Variants in IL31RA observed in about 807,000 individuals in gnomAD.
IL31RA encodes the protein interleukin 31 receptor A.
A neutral mutation model predicts 83.7 loss-of-function variants in IL31RA; 66 were observed. The ratio of observed to expected loss-of-function variants is 0.79; its 90% CI spans 0.65 to 0.97. The LOEUF is 0.97. Among genes scored for constraint, IL31RA ranks in the 50% least tolerant of loss-of-function variants. The pLI, the probability that IL31RA is intolerant of heterozygous loss-of-function variation, is 0.00. For missense variants in IL31RA, 798 were observed against 919.4 expected, an observed-to-expected ratio of 0.87 and a Z score of 1.71; for synonymous variants, 325 against 329.0, an observed-to-expected ratio of 0.99 and a Z score of 0.13.
In IL31RA at chr5:55,867,171, G is replaced by GTGTGTGTGCATGTGTGTT. The variant is rs756883102; in HGVS notation, c.155-1611_155-1594dup. 5.0e-3 allele frequency among the ~76,000 whole-genome samples: 352 copies of GTGTGTGTGCATGTGTGTT among 70,746 alleles called. 8 individuals carry two copies. Among genetic ancestry groups the GTGTGTGTGCATGTGTGTT allele is most frequent in the African/African-American group, 0.02 (332 of 16,716 alleles). 46.4% of individuals were successfully genotyped at this position (70,746 alleles called of 152,430 possible). A position where few individuals can be genotyped will look rare whatever the true frequency, so the allele number is the denominator to read the frequency against. ...TGCATGTGTGTTTGTGTGTGTGCATGTGTGTGTGCATGTGTGTTTGTGTGT... is the reference window on the plus strand; with the variant it reads ...TGCATGTGTGTTTGTGTGTGTGCATGTGTGTGTGCATGTGTGTTTGTGTGTGCATGTGTGTTTGTGTGT... On this transcript the variant is annotated intron_variant, in intron 2 of 14. Coordinates refer to ENST00000652347, the MANE Select transcript of IL31RA (RefSeq NM_139017.7).
intron 11 of IL31RA, 25 bp from the exon 12 acceptor site, chr5:55,910,507 T>G: frequency 6.2e-7 from 1 of 1,613,868 alleles, no homozygotes; most frequent in Admixed American, 1.7e-5. Context: ...GGCTGTGGTG[T>G]TTGACCTTTG....
the IL31RA span, among the ~76,000 whole-genome samples, chr5:55,840,492 C>T: frequency 6.6e-6 from 1 of 152,180 alleles, no homozygotes; most frequent in African/African-American, 2.4e-5. Context: ...CTAAAAAAGA[C>T]AAAATCGCTG....
At chr5:55,909,964 A>G (rs1749399393) in intron 11 of IL31RA, among the ~76,000 whole-genome samples, 1 of 152,184 alleles carries the variant, frequency 6.6e-6, no homozygotes, top group Non-Finnish European at 1.5e-5. Context: ...CCAGCTTCCC[A>G]AAGTGCTGGG....
In IL31RA at chr5:55,917,875, C is replaced by A. The variant is rs161698; in HGVS notation, c.*755C>A. ...CTGCTGCTGCCCTTCTATTCAGCAC[C>A]CAGCCTGGGAGCAGAAAGGCACCTG... On this transcript the variant is annotated 3_prime_UTR_variant, in exon 15 of 15. Coordinates refer to ENST00000652347, the MANE Select transcript of IL31RA (RefSeq NM_139017.7). Among the ~76,000 whole-genome samples, 44,792 of 152,110 alleles carry A rather than the reference C, an allele frequency of 0.29. 6,685 individuals carry two copies. Among genetic ancestry groups the A allele is most frequent in the South Asian group, 0.34 (1,646 of 4,818 alleles).
intron 1 of IL31RA, 58 bp from the exon 2 acceptor site, chr5:55,859,451 A>G: frequency 1.6e-6 from 2 of 1,225,202 alleles, no homozygotes; most frequent in East Asian, 2.3e-5. Context: ...GCCATTGGAA[A>G]TAGAGCTTTT....
Position 55,861,343 on chromosome 5 carries a change from G to A in IL31RA, c.154+1744G>A, listed in dbSNP as rs554599228. Among the ~76,000 whole-genome samples, 8 of 152,306 alleles carry A rather than the reference G, an allele frequency of 5.3e-5. No individual in the cohort carries two copies. The East Asian group carries it at 1.4e-3, about 26-fold the overall frequency. On this transcript the variant is annotated intron_variant, in intron 2 of 14. Coordinates refer to ENST00000652347, the MANE Select transcript of IL31RA (RefSeq NM_139017.7). ...TGTTAGGAACTGGGCCACACAGCAG[G>A]AGATGAGCTGCTGGTGAGCCAGAGT... is the stretch of plus-strand genomic sequence containing the variant.
the IL31RA span, among the ~76,000 whole-genome samples, chr5:55,841,494 G>A: frequency 6.6e-6 from 1 of 152,266 alleles, no homozygotes; most frequent in South Asian, 2.1e-4. Context: ...CCACAGGCAG[G>A]GACTTAATAC....
chr5:55,852,391 C>T (rs1380730985), intron 1 of IL31RA: 1 of 152,120 alleles, frequency 6.6e-6, no homozygotes, highest in Non-Finnish European at 1.5e-5. Context: ...AGGCTGGTCT[C>T]AAACTCCTGA....
intron 5 of IL31RA, among the ~76,000 whole-genome samples, chr5:55,884,480 G>T (rs1271741523): frequency 6.6e-6 from 1 of 152,084 alleles, no homozygotes; most frequent in African/African-American, 2.4e-5. Context: ...TGTTACCCAG[G>T]CTGGAGTGCA....
chr5:55,866,264 T>C (rs1251846386), intron 2 of IL31RA, among the ~76,000 whole-genome samples: 2 of 151,958 alleles, frequency 1.3e-5, no homozygotes, highest in Non-Finnish European at 2.9e-5. Flanking sequence ...CACCATAGAG[T>C]TGGTGCTTAG....
intron 5 of IL31RA, among the ~76,000 whole-genome samples, chr5:55,884,332 G>A (rs1289133238): frequency 6.6e-6 from 1 of 152,124 alleles, no homozygotes; most frequent in Non-Finnish European, 1.5e-5. Flanking sequence ...TGCCTTTTGT[G>A]TCTTAGGAAA....
rs996213513 is a variant in IL31RA, at chr5:55,903,625, C to T, written c.1070-2481C>T. Among the ~76,000 whole-genome samples, 1 of 152,206 alleles carries T rather than the reference C, an allele frequency of 6.6e-6. No homozygotes were observed. ...TGCAGTGCACTTGGCGCTTTAGACC[C>T]GGATCTCCCTGCTCCTCAGAGCTCC... On this transcript the variant is annotated intron_variant, in intron 8 of 14. Coordinates refer to ENST00000652347, the MANE Select transcript of IL31RA (RefSeq NM_139017.7). This position sits in a 1 kb window ranked among gnomAD's most constrained non-coding sequence, Gnocchi z 4.7.
At chr5:55,879,145 A>T (rs908692896) in intron 4 of IL31RA, among the ~76,000 whole-genome samples, 5 of 152,112 alleles carry the variant, frequency 3.3e-5, no homozygotes, top group Non-Finnish European at 5.9e-5. Flanking sequence ...CAAAACAGAG[A>T]CCAGTCGTTT....
At position 55,883,488 on chromosome 5, in the gene IL31RA, G is replaced by A. The variant is rs371497105; in HGVS notation, c.606+293G>A. ...GTCTGGCTATGTTGGCTACCAGAGA[G>A]TCTATGGTTTGGCCATTTTATTTTT... On this transcript the variant is annotated intron_variant, in intron 5 of 14. Coordinates refer to ENST00000652347, the MANE Select transcript of IL31RA (RefSeq NM_139017.7). 1.4e-4 allele frequency among the ~76,000 whole-genome samples: 21 copies of A among 152,294 alleles called. 1 individual carries two copies. The highest frequency in any genetic ancestry group is 4.8e-4 in the African/African-American group (20 of 41,556).
In IL31RA at chr5:55,922,205, G is replaced by A. The variant is rs1273770769; in HGVS notation, c.*5085G>A. On this transcript the variant is annotated 3_prime_UTR_variant, in exon 15 of 15. Transcript: ENST00000652347. ...CTGGAAGAGACCCCAGGCCACAATA[G>A]CCCTTGACACAGAGCTCTATGCAGG... Among the ~76,000 whole-genome samples, 3 of 152,088 alleles carry A rather than the reference G, an allele frequency of 2.0e-5. No homozygotes were observed. Among genetic ancestry groups the A allele is most frequent in the African/African-American group, 7.2e-5 (3 of 41,398 alleles).
chr5:55,867,278 CATGTGTGTGT>C (rs1561543709), intron 2 of IL31RA, among the ~76,000 whole-genome samples: 10 of 12,518 alleles, frequency 8.0e-4, no homozygotes, highest in Non-Finnish European at 1.4e-3. Context: ...CGTGTGTGTG[CATGTGTGTGT>C]GCATGTGTGT....
At chr5:55,883,340 T>C in intron 5 of IL31RA, 145 bp downstream of exon 5, 1 of 810,588 alleles carries the variant, frequency 1.2e-6, no homozygotes, top group Non-Finnish European at 2.0e-6. Flanking sequence ...CCTTCCAGTT[T>C]TCCATTTTTC....
At position 55,908,262 on chromosome 5, in the gene IL31RA, C is replaced by T. The variant is rs375773462; in HGVS notation, c.1355-3C>T. ...TTATCATTTATCCCTCTGTCCTTTC[C>T]AGTTCCATCAGAAGGTCCTGAGACC... On this transcript the variant is annotated splice_polypyrimidine_tract_variant and splice_region_variant and intron_variant, in intron 10 of 14. Transcript: ENST00000652347. 189 of 1,613,982 alleles carry T rather than the reference C, an allele frequency of 1.2e-4. No individual in the cohort carries two copies. Among genetic ancestry groups the T allele is most frequent in the Non-Finnish European group, 1.4e-4 (170 of 1,180,048 alleles).
the IL31RA span, among the ~76,000 whole-genome samples, chr5:55,841,474 T>C: frequency 2.0e-5 from 3 of 152,248 alleles, no homozygotes; most frequent in Non-Finnish European, 4.4e-5. Flanking sequence ...ATAGGCAATG[T>C]CATGGGCATC....
Sources: gnomAD v4.1 joint callset for allele counts (sites outside exome capture counted in the v4.1 genomes callset) on GRCh38, gnomAD v4.1.1 for gene constraint, Gnocchi (gnomAD v3.1) non-coding constraint, MANE v1.5 for transcripts, NCBI Gene and HGNC (gene_info 2026-07-23, HGNC 2026-07-21) for gene names.